Variants in BACH2 observed in about 807,000 individuals in gnomAD.
The protein encoded by BACH2 is transcription regulator protein BACH2.
A neutral mutation model predicts 61.8 loss-of-function variants in BACH2; 5 were observed. The ratio of observed to expected loss-of-function variants is 0.08; its 90% CI spans 0.04 to 0.17. The LOEUF (loss-of-function observed/expected upper bound fraction) is 0.17. Among genes scored for constraint, BACH2 ranks in the 10% least tolerant of loss-of-function variants. The pLI is 1.00. For missense variants in BACH2, 824 were observed against 1,091.1 expected (o/e 0.76, Z 3.45); for synonymous variants, 446 against 440.1 (o/e 1.01, Z -0.17).
chr6:90,189,472 G>C (rs1768481059), intron 4 of BACH2, among the ~76,000 whole-genome samples: 1 of 152,038 alleles, frequency 6.6e-6, no homozygotes, highest in African/African-American at 2.4e-5. Flanking sequence ...GCCGGGCGCG[G>C]TGGCGGGCGC....
At chr6:90,107,755 C>T (rs750015981) in intron 4 of BACH2, among the ~76,000 whole-genome samples, 1 of 150,790 alleles carries the variant, frequency 6.6e-6, no homozygotes, top group Non-Finnish European at 1.5e-5. Context: ...ACTTGGGTCT[C>T]GTCCCTTGTT....
chr6:90,011,008 A>C (rs1472036073), intron 5 of BACH2, among the ~76,000 whole-genome samples: 1 of 152,186 alleles, frequency 6.6e-6, no homozygotes, highest in Non-Finnish European at 1.5e-5. Context: ...TGACTTGTAA[A>C]AATTTTTTCC....
chr6:90,107,792 C>A (rs1011419521), intron 4 of BACH2, among the ~76,000 whole-genome samples: 1 of 151,612 alleles, frequency 6.6e-6, no homozygotes, highest in South Asian at 2.1e-4. Context: ...TGTCTATTCA[C>A]TCGGTGGCAA....
intron 7 of BACH2, among the ~76,000 whole-genome samples, chr6:89,942,261 C>T (rs1396441122): frequency 6.6e-6 from 1 of 152,126 alleles, no homozygotes; most frequent in Non-Finnish European, 1.5e-5. Flanking sequence ...AAGCCAAGAA[C>T]ATCTTGTCTG....
chr6:90,129,678 C>T (rs146193586), intron 4 of BACH2, among the ~76,000 whole-genome samples: 5,580 of 152,228 alleles, frequency 0.037, 134 homozygotes, highest in South Asian at 0.088. Context: ...AGAGGTCCTT[C>T]ACATCCCTTG....
chr6:90,094,387 A>C (rs1188494137), intron 4 of BACH2, among the ~76,000 whole-genome samples: 2 of 152,214 alleles, frequency 1.3e-5, no homozygotes, highest in African/African-American at 4.8e-5. Flanking sequence ...AAATATTTCT[A>C]TTTACATTAC....
intron 4 of BACH2, chr6:90,104,264 G>T (rs1782801585): frequency 6.6e-6 from 1 of 152,104 alleles, no homozygotes; most frequent in African/African-American, 2.4e-5. Flanking sequence ...GTGTTCAGAG[G>T]GAACAGGAAC....
intron 5 of BACH2, among the ~76,000 whole-genome samples, chr6:90,018,801 G>A (rs1186413697): frequency 6.6e-6 from 1 of 152,168 alleles, no homozygotes; most frequent in Non-Finnish European, 1.5e-5. Flanking sequence ...TTTTTTAAAT[G>A]GAATTAGAAT....
At chr6:90,166,984 C>T (rs926760669) in intron 4 of BACH2, among the ~76,000 whole-genome samples, 2 of 152,086 alleles carry the variant, frequency 1.3e-5, no homozygotes, top group Non-Finnish European at 2.9e-5. Flanking sequence ...TGCAGCGCAC[C>T]AACATGGCAC....
At chr6:90,026,755 T>C (rs1336344615) in intron 5 of BACH2, among the ~76,000 whole-genome samples, 2 of 152,214 alleles carry the variant, frequency 1.3e-5, no homozygotes, top group African/African-American at 4.8e-5. Flanking sequence ...ATACTGAGGC[T>C]TGGCAGAAAT....
intron 6 of BACH2, among the ~76,000 whole-genome samples, chr6:89,983,891 G>A (rs1776094400): frequency 6.6e-6 from 1 of 152,174 alleles, no homozygotes; most frequent in Non-Finnish European, 1.5e-5. Flanking sequence ...TACAGTTATA[G>A]GGGATAACAC....
chr6:89,969,072 A>C (rs1208689118), intron 6 of BACH2, among the ~76,000 whole-genome samples: 1 of 46,986 alleles, frequency 2.1e-5, no homozygotes. Context: ...TTTTTTTTTT[A>C]GGCTGAGTTT....
At chr6:89,956,435 G>A (rs1281603448) in intron 6 of BACH2, among the ~76,000 whole-genome samples, 2 of 152,170 alleles carry the variant, frequency 1.3e-5, no homozygotes, top group African/African-American at 4.8e-5. Context: ...CGTGTCCGAT[G>A]GTGCAAGTCA....
intron 4 of BACH2, among the ~76,000 whole-genome samples, chr6:90,143,030 T>C (rs1784512430): frequency 6.6e-6 from 1 of 152,198 alleles, no homozygotes; most frequent in South Asian, 2.1e-4. Flanking sequence ...TGTAGATGTG[T>C]TTCTTAGAAG....
intron 4 of BACH2, among the ~76,000 whole-genome samples, chr6:90,111,575 T>C (rs1488530951): frequency 6.6e-6 from 1 of 152,232 alleles, no homozygotes; most frequent in African/African-American, 2.4e-5. Context: ...TGCTCCAGCC[T>C]GGAAGGCTCC....
chr6:90,146,632 T>C (rs760511154), intron 4 of BACH2, among the ~76,000 whole-genome samples: 36 of 152,158 alleles, frequency 2.4e-4, no homozygotes, highest in South Asian at 6.2e-4. Flanking sequence ...ACACACAAAA[T>C]AGAAAATTGA....
intron 6 of BACH2, among the ~76,000 whole-genome samples, chr6:89,965,230 T>A (rs752731280): frequency 8.5e-5 from 13 of 152,176 alleles, no homozygotes; most frequent in Non-Finnish European, 1.5e-5. Flanking sequence ...TGGTTACATT[T>A]TTATTTTGAA....
rs140620174 is a variant in BACH2, at chr6:89,950,671, C to T, written c.1435G>A (p.Ala479Thr). ...GCCATCAGCCCACCGTGGGAGTAGG[C>T]CTGCGAGCTGGGGAGGGACTGGCCG... ...GAGQSLPSSQ[A>T]YSHGGLMADH... The change falls in exon 7 of 9, where the codon GCC becomes ACC. Residue 479 changes from alanine to threonine, a missense_variant. Ala to Thr is a moderately conservative substitution (Grantham distance 58). Around this residue, in one of 8 missense-constraint regions of BACH2, gnomAD observed 102 missense variants for 98.1 expected, o/e 1.04. Transcript: ENST00000257749. The surrounding 1 kb of genome is among the most constrained non-coding windows in gnomAD (Gnocchi z 5.3). The T allele has an allele frequency of 1.1e-3, 1,802 of 1,614,172 alleles. 4 individuals are homozygous for T. Among genetic ancestry groups the T allele is most frequent in the Middle Eastern group, 2.8e-3 (17 of 6,062 alleles).
intron 6 of BACH2, among the ~76,000 whole-genome samples, chr6:89,970,923 A>G (rs1188943281): frequency 6.6e-6 from 1 of 152,256 alleles, no homozygotes; most frequent in Admixed American, 6.5e-5. Context: ...CTCAAAAAAT[A>G]TATGCGGGAT....
Sources: gnomAD v4.1 joint callset for allele counts (sites outside exome capture counted in the v4.1 genomes callset) on GRCh38, gnomAD v4.1.1 for gene constraint, gnomAD v4.1.1 regional missense constraint, Gnocchi (gnomAD v3.1) non-coding constraint, MANE v1.5 for transcripts, NCBI Gene and HGNC (gene_info 2026-07-23, HGNC 2026-07-21) for gene names.